Variants in PDE10A observed in about 807,000 individuals in gnomAD.
PDE10A encodes the protein phosphodiesterase 10A, also known as cAMP and cAMP-inhibited cGMP 3',5'-cyclic phosphodiesterase 10A.
A neutral mutation model predicts 97.7 loss-of-function variants in PDE10A; 39 were observed. That is an observed-to-expected ratio of 0.40 (90% CI 0.31 to 0.52). The LOEUF (loss-of-function observed/expected upper bound fraction) is 0.52, where lower values mean the gene tolerates loss of function less well. Among genes scored for constraint, PDE10A ranks in the 20% least tolerant of loss-of-function variants. PDE10A has a pLI of 0.56. For synonymous variants in PDE10A, 371 were observed against 376.8 expected, an observed-to-expected ratio of 0.98 and a Z score of 0.18; for missense variants, 731 against 1,047.8, an observed-to-expected ratio of 0.70 and a Z score of 4.17.
chr6:165,734,976 A>AGAT (rs950903444), intron 1 of PDE10A, among the ~76,000 whole-genome samples: 3 of 151,850 alleles, frequency 2.0e-5, no homozygotes, highest in African/African-American at 7.3e-5. Context: ...ATAGATAGAT[A>AGAT]GATAGATAGA....
At chr6:165,941,814 T>G (rs1265708074) in intron 1 of PDE10A, among the ~76,000 whole-genome samples, 1 of 152,150 alleles carries the variant, frequency 6.6e-6, no homozygotes, top group Non-Finnish European at 1.5e-5. Flanking sequence ...TTTCCCAGTC[T>G]CAAGTGTTTC....
chr6:165,574,133 CAAACTT>C (rs1180163484), intron 1 of PDE10A, among the ~76,000 whole-genome samples: 3 of 152,048 alleles, frequency 2.0e-5, no homozygotes, highest in African/African-American at 4.8e-5. Flanking sequence ...CCTTCAAACT[CAAACTT>C]AAGAGAAAGT....
intron 1 of PDE10A, among the ~76,000 whole-genome samples, chr6:165,957,446 A>T (rs1784167710): frequency 6.6e-6 from 1 of 152,132 alleles, no homozygotes; most frequent in East Asian, 1.9e-4. Context: ...GTGCAGCTGC[A>T]CTCCAGCCTG....
rs573361318 is a variant in PDE10A, at chr6:165,359,881, G to A, written c.2784-16379C>T. On this transcript the variant is annotated intron_variant, in intron 18 of 21. Coordinates refer to ENST00000539869, the MANE Select transcript of PDE10A (RefSeq NM_001385079.1). ...GTTTGTGGGCTGTGCACACAGACAGGGCACACCAGATGTGGCCTGAGGCTT... is the reference window on the plus strand; with the variant it reads ...GTTTGTGGGCTGTGCACACAGACAGAGCACACCAGATGTGGCCTGAGGCTT... Among the ~76,000 whole-genome samples, 5 of 152,130 alleles carry A rather than the reference G, an allele frequency of 3.3e-5. No individual in the cohort carries two copies. The East Asian group carries it at 9.7e-4, about 29-fold the overall frequency.
chr6:165,502,203 A>T (rs754318932), intron 2 of PDE10A, among the ~76,000 whole-genome samples: 14 of 152,224 alleles, frequency 9.2e-5, no homozygotes, highest in Non-Finnish European at 1.5e-4. Context: ...ATATTGAGTT[A>T]GGCAATGATT....
intron 1 of PDE10A, among the ~76,000 whole-genome samples, chr6:165,798,747 TCTGTTAC>T (rs1156300739): frequency 6.6e-6 from 1 of 152,150 alleles, no homozygotes; most frequent in African/African-American, 2.4e-5. Context: ...AGAGTCTCAC[TCTGTTAC>T]CCAGACTGGA....
intron 1 of PDE10A, among the ~76,000 whole-genome samples, chr6:165,600,804 C>T (rs1427841986): frequency 1.3e-5 from 2 of 152,186 alleles, no homozygotes; most frequent in Admixed American, 6.5e-5. Context: ...ACCTGCTAAA[C>T]TCCTTTTAAC....
At chr6:165,841,655 A>G (rs1780265049) in intron 1 of PDE10A, among the ~76,000 whole-genome samples, 1 of 152,234 alleles carries the variant, frequency 6.6e-6, no homozygotes, top group Non-Finnish European at 1.5e-5. Flanking sequence ...GGCACTTGCT[A>G]GTGTCATCCT....
intron 1 of PDE10A, among the ~76,000 whole-genome samples, chr6:165,758,205 G>A (rs560404046): frequency 6.6e-6 from 1 of 152,272 alleles, no homozygotes; most frequent in South Asian, 2.1e-4. Flanking sequence ...AGTGGCTCAT[G>A]CCTGTAATCC....
chr6:165,572,161 G>C (rs562451663), intron 1 of PDE10A, among the ~76,000 whole-genome samples: 1 of 152,130 alleles, frequency 6.6e-6, no homozygotes, highest in Non-Finnish European at 1.5e-5. Context: ...CATTTCATGA[G>C]AGCAAGTTTA....
Position 165,394,500 on chromosome 6 carries a change from C to T in PDE10A, c.2303+681G>A, listed in dbSNP as rs143779756. On this transcript the variant is annotated intron_variant, in intron 15 of 21. Transcript: ENST00000539869. ...CATTTGGGTTGGTTCCAAGTCTTTG[C>T]TATTATGAACAGTGCCACAATAAAC... Among the ~76,000 whole-genome samples, 8 of 152,186 alleles carry T rather than the reference C, an allele frequency of 5.3e-5. No homozygotes were observed. In the East Asian group the frequency reaches 1.5e-3, roughly 29 times the overall value.
At chr6:165,794,149 ACACACTCACTG>A (rs1257735337) in intron 1 of PDE10A, among the ~76,000 whole-genome samples, 1 of 151,420 alleles carries the variant, frequency 6.6e-6, no homozygotes, top group African/African-American at 2.4e-5. Flanking sequence ...ACTCACTCAC[ACACACTCACTG>A]CACACTCATA....
chr6:165,534,953 CA>C (rs1232323216), intron 2 of PDE10A, among the ~76,000 whole-genome samples: 1 of 151,914 alleles, frequency 6.6e-6, no homozygotes, highest in Non-Finnish European at 1.5e-5. Context: ...AGCAATTACA[CA>C]AGAGAAAGAA....
At chr6:165,676,633 G>A (rs1382754857) in intron 1 of PDE10A, among the ~76,000 whole-genome samples, 8 of 152,114 alleles carry the variant, frequency 5.3e-5, no homozygotes. Context: ...TGCCTGGAGT[G>A]GACTAGGAGG....
chr6:165,844,432 A>C (rs1780351427), intron 1 of PDE10A, among the ~76,000 whole-genome samples: 1 of 152,194 alleles, frequency 6.6e-6, no homozygotes, highest in Admixed American at 6.5e-5. Context: ...GCAAATTGAT[A>C]ATTGGTGAAA....
intron 3 of PDE10A, among the ~76,000 whole-genome samples, chr6:165,464,514 A>G (rs1468020950): frequency 6.6e-6 from 1 of 152,206 alleles, no homozygotes; most frequent in Admixed American, 6.5e-5. Context: ...ACTAGATGTT[A>G]ATATTTTTTA....
chr6:165,903,653 G>A (rs1782177304), intron 1 of PDE10A, among the ~76,000 whole-genome samples: 1 of 152,206 alleles, frequency 6.6e-6, no homozygotes, highest in Non-Finnish European at 1.5e-5. Context: ...AAGGATAAAA[G>A]GTGGAGGTAA....
chr6:165,735,057 CAGATAGGT>C (rs1164883146), intron 1 of PDE10A, among the ~76,000 whole-genome samples: 3 of 149,692 alleles, frequency 2.0e-5, no homozygotes, highest in Non-Finnish European at 4.4e-5. Context: ...GGGAGGTAGA[CAGATAGGT>C]AGGTAGGTAG....
upstream of PDE10A, among the ~76,000 whole-genome samples, chr6:165,666,379 T>C (rs1334186041): frequency 6.6e-6 from 1 of 152,244 alleles, no homozygotes; most frequent in African/African-American, 2.4e-5. Context: ...CACGTTCCCT[T>C]TACCGTGATT....
Sources: allele counts gnomAD v4.1 joint callset (sites outside exome capture counted in the v4.1 genomes callset), GRCh38; gene constraint gnomAD v4.1.1; transcripts MANE v1.5; gene names NCBI Gene and HGNC (gene_info 2026-07-23, HGNC 2026-07-21).